The following INPP4A variants were observed in gnomAD, a reference collection of about 807,000 sequenced individuals.
The protein encoded by INPP4A is inositol polyphosphate-4-phosphatase type I A.
A neutral mutation model predicts 119.8 loss-of-function variants in INPP4A; 33 were observed. That is an observed-to-expected ratio of 0.28 (90% CI 0.21 to 0.37). The LOEUF (loss-of-function observed/expected upper bound fraction) is 0.37. INPP4A is among the 10% of genes least tolerant of loss of function. The pLI, the probability that INPP4A is intolerant of heterozygous loss-of-function variation, is 1.00. For missense variants in INPP4A, 956 were observed against 1,289.9 expected, an observed-to-expected ratio of 0.74 and a Z score of 3.97; for synonymous variants, 496 against 500.7, an observed-to-expected ratio of 0.99 and a Z score of 0.12.
Position 98,520,005 on chromosome 2 carries a change from TG to T in INPP4A, c.-42del. 1 of 1,489,882 alleles carries T rather than the reference TG, an allele frequency of 6.7e-7. No homozygotes were observed. The highest frequency in any genetic ancestry group is 9.2e-7 in the Non-Finnish European group (1 of 1,089,206). 92.3% of individuals were successfully genotyped at this position (1,489,882 alleles called of 1,614,324 possible). On this transcript the variant is annotated 5_prime_UTR_variant, in exon 3 of 25. The change creates a premature stop within an existing upstream ORF in the 5' untranslated region. Coordinates refer to ENST00000409851, the MANE Select transcript of INPP4A (RefSeq NM_001134225.2). ...CCAGCACTTCCCGGGTAATCAGGCG[TG>T]GTCTGACCGAGGATCAAGAAGCACA...
chr2:98,572,815 G>T lies in INPP4A; in HGVS notation c.2519G>T (p.Cys840Phe). 6.4e-7 allele frequency: 1 copy of T among 1,551,554 alleles called. No individual in the cohort carries two copies. The change falls in exon 23 of 25, where the codon TGC (cysteine) becomes TTC (phenylalanine). Residue 840 changes from cysteine (C) to phenylalanine (F), a missense_variant and splice_region_variant. Physicochemically the swap from Cys to Phe is radical, Grantham distance 205 (BLOSUM62 -2). Coordinates refer to ENST00000409851, the MANE Select transcript of INPP4A (RefSeq NM_001134225.2). The stretch of plus-strand genomic sequence containing the variant: ...CCCACGAACTCCTTTTCTCTTCCAG[G>T]CCTGCCTCGGTCTCGCAGTCAGACG... Reference protein sequence around the residue: ...EQFKEVLPEDCLPRSRSQTCL... With the variant: ...EQFKEVLPEDFLPRSRSQTCL...
rs572319452 is a variant in INPP4A, at chr2:98,475,188, A to G, written c.-166+30103A>G. Among the ~76,000 whole-genome samples, 6 of 152,192 alleles carry G rather than the reference A, an allele frequency of 3.9e-5. No homozygotes were observed. In the East Asian group the frequency reaches 1.2e-3, roughly 30 times the overall value. The stretch of plus-strand genomic sequence containing the variant: ...CGGACAGCTGAGCAAAGGCATAGAG[A>G]GGGCACTTGTGAGATGCTGTCGGGA... On this transcript the variant is annotated intron_variant, in intron 1 of 24. Transcript: ENST00000409851.
intron 1 of INPP4A, among the ~76,000 whole-genome samples, chr2:98,490,074 T>G (rs1214470507): frequency 6.6e-6 from 1 of 151,188 alleles, no homozygotes; most frequent in African/African-American, 2.4e-5. Context: ...TGGTGAGAGG[T>G]GCTCCGGGTC....
At chr2:98,563,091 G>T (rs1392050918) in intron 17 of INPP4A, among the ~76,000 whole-genome samples, 1 of 152,212 alleles carries the variant, frequency 6.6e-6, no homozygotes, top group African/African-American at 2.4e-5. Flanking sequence ...GTGCTACAGG[G>T]CTGTGGAAGG....
chr2:98,513,709 C>T (rs1288964014), intron 1 of INPP4A, among the ~76,000 whole-genome samples: 1 of 152,248 alleles, frequency 6.6e-6, no homozygotes, highest in Non-Finnish European at 1.5e-5. Context: ...GTTTGCTGGT[C>T]ACCTTGGGCT....
chr2:98,548,998 CTGTT>C (rs781493002), intron 13 of INPP4A: 2 of 1,608,682 alleles, frequency 1.2e-6, no homozygotes, highest in Non-Finnish European at 1.7e-6. Flanking sequence ...GAGAGAGTGT[CTGTT>C]TGGGTCTCGT....
chr2:98,561,969 A>G (rs1695554587), intron 17 of INPP4A, among the ~76,000 whole-genome samples: 1 of 152,226 alleles, frequency 6.6e-6, no homozygotes, highest in Non-Finnish European at 1.5e-5. Context: ...TAGTGGAGGA[A>G]AGAGACTCGG....
Position 98,555,727 on chromosome 2 carries a change from G to C in INPP4A, c.1741G>C (p.Glu581Gln). 1 of 1,608,946 alleles carries C rather than the reference G, an allele frequency of 6.2e-7. No individual in the cohort carries two copies. Among genetic ancestry groups the C allele is most frequent in the Non-Finnish European group, 8.5e-7 (1 of 1,177,434 alleles). ...PDSHAYWIRP[E>Q]DPFCDVPSSP... ...CAGCCACGCCTACTGGATCAGACCA[G>C]AAGACCCCTTCTGTGATGTCCCCTC... The change falls in exon 16 of 25, where the codon GAA (glutamate) becomes CAA (glutamine). Residue 581 changes from glutamate (E) to glutamine (Q), a missense_variant. By Grantham distance (29) the Glu-to-Gln change is conservative. This residue lies in a region of INPP4A where 652 missense variants were observed against 797.9 expected (regional missense o/e 0.82). Transcript: ENST00000409851.
At position 98,594,138 on chromosome 2, in the gene INPP4A, A is replaced by G. The variant is rs965493689; in HGVS notation, c.*6530A>G. 6.6e-6 allele frequency: 1 copy of G among 152,180 alleles called. No homozygotes were observed. The highest frequency in any genetic ancestry group is 2.1e-4 in the South Asian group (1 of 4,830). 9.4% of individuals were successfully genotyped at this position (152,180 alleles called of 1,614,324 possible). On this transcript the variant is annotated 3_prime_UTR_variant, in exon 25 of 25. Coordinates refer to ENST00000409851, the MANE Select transcript of INPP4A (RefSeq NM_001134225.2). Reference sequence around the variant, plus strand: ...GACCACGCTGTTTTTCTCACTACATAATCGGTTACGCTAAATGCATCACGA... The same window carrying G: ...GACCACGCTGTTTTTCTCACTACATGATCGGTTACGCTAAATGCATCACGA...
At chr2:98,581,114 C>CAGAT (rs1212003700) in intron 24 of INPP4A, among the ~76,000 whole-genome samples, 1 of 152,172 alleles carries the variant, frequency 6.6e-6, no homozygotes, top group Non-Finnish European at 1.5e-5. Context: ...CTTTGTACCA[C>CAGAT]CCCCTGCTCA....
Position 98,566,163 on chromosome 2 carries a change from C to T in INPP4A, c.2414C>T (p.Ala805Val). ...GGCATCAATGAGCAGCAGACACTGG[C>T]CGAGAGGTGCGTGCCGGCTCCTCGG... Reference protein sequence around the residue: ...NVGINEQQTLAERFGDTSLQE... With the variant: ...NVGINEQQTLVERFGDTSLQE... Residue 805 changes from alanine (A) to valine (V), a missense_variant, in exon 21 of 25, where the codon GCC (alanine) becomes GTC (valine). This residue lies in a region of INPP4A where 304 missense variants were observed against 492.1 expected (regional missense o/e 0.62). Transcript: ENST00000409851. This position sits in a 1 kb window ranked among gnomAD's most constrained non-coding sequence, Gnocchi z 4.2. 1 of 1,590,156 alleles carries T rather than the reference C, an allele frequency of 6.3e-7. No individual in the cohort carries two copies. The highest frequency in any genetic ancestry group is 8.6e-7 in the Non-Finnish European group (1 of 1,165,640).
At chr2:98,547,430 C>G (rs189283319) in intron 13 of INPP4A, among the ~76,000 whole-genome samples, 2 of 152,080 alleles carry the variant, frequency 1.3e-5, no homozygotes, top group African/African-American at 4.8e-5. Flanking sequence ...TCCACCCAGC[C>G]CCCAGGGGTG....
rs1479883055 is a variant in INPP4A, at chr2:98,590,640, C to G, written c.*3032C>G. ...TATGACTTGTCAAAATGCAGTTCCA[C>G]TTGTATTAATATTGACCCTGTTCAT... On this transcript the variant is annotated 3_prime_UTR_variant, in exon 25 of 25. Coordinates refer to ENST00000409851, the MANE Select transcript of INPP4A (RefSeq NM_001134225.2). 1 of 208,968 alleles carries G rather than the reference C, an allele frequency of 4.8e-6. No homozygotes were observed. The highest frequency in any genetic ancestry group is 7.3e-5 in the East Asian group (1 of 13,708). 12.9% of individuals were successfully genotyped at this position (208,968 alleles called of 1,614,324 possible).
rs1389220067 is a variant in INPP4A at position 98,568,687 on chromosome 2, A to G, written c.2518+19A>G. 1 of 1,372,184 alleles carries G rather than the reference A, an allele frequency of 7.3e-7. No individual in the cohort carries two copies. Among genetic ancestry groups the G allele is most frequent in the East Asian group, 2.3e-5 (1 of 42,670 alleles). The allele number at this position is 1,372,184 out of a possible 1,614,324, so 85.0% of individuals were successfully genotyped here. On this transcript the variant is annotated intron_variant, in intron 22 of 24. Coordinates refer to ENST00000409851, the MANE Select transcript of INPP4A (RefSeq NM_001134225.2). Reference sequence around the variant, plus strand: ...GAGGATTGTAAGTATTTCTTCAGTCATGGTAGGTTTCACTTACTCGTCTTT... The same window carrying G: ...GAGGATTGTAAGTATTTCTTCAGTCGTGGTAGGTTTCACTTACTCGTCTTT...
intron 4 of INPP4A, among the ~76,000 whole-genome samples, chr2:98,523,179 GA>G (rs1687540741): frequency 6.6e-6 from 1 of 152,174 alleles, no homozygotes; most frequent in South Asian, 2.1e-4. Flanking sequence ...GAGCTAAAAT[GA>G]TTGCATATGG....
intron 1 of INPP4A, among the ~76,000 whole-genome samples, chr2:98,514,725 G>T (rs536522435): frequency 2.0e-5 from 3 of 152,214 alleles, no homozygotes; most frequent in South Asian, 4.2e-4. Flanking sequence ...AGACCAGCCT[G>T]GGCAACATAG....
chr2:98,571,125 C>T (rs1372127633), intron 22 of INPP4A, among the ~76,000 whole-genome samples: 1 of 152,198 alleles, frequency 6.6e-6, no homozygotes, highest in Non-Finnish European at 1.5e-5. Context: ...TGCTCTTTAG[C>T]AGGGACCGGA....
At chr2:98,465,718 T>C (rs1674610411) in intron 1 of INPP4A, among the ~76,000 whole-genome samples, 1 of 152,140 alleles carries the variant, frequency 6.6e-6, no homozygotes, top group African/African-American at 2.4e-5. Context: ...GGGCACTCAC[T>C]TGGTGAACAG....
At position 98,458,358 on chromosome 2, in the gene INPP4A, C is replaced by G. The variant is rs562929333; in HGVS notation, c.-166+13273C>G. Among the ~76,000 whole-genome samples the G allele has an allele frequency of 6.4e-4, 98 of 152,006 alleles. 3 individuals are homozygous for G. The South Asian group carries it at 0.02, about 31-fold the overall frequency. On this transcript the variant is annotated intron_variant, in intron 1 of 24. Transcript: ENST00000409851. ...TGCCTCTGCCTCAGAAAAAAAAAAT[C>G]ATCAAATAGCCCTTTCTCACCTTCT...
Sources: allele counts gnomAD v4.1 joint callset (sites outside exome capture counted in the v4.1 genomes callset), GRCh38; gene constraint gnomAD v4.1.1; regional missense constraint gnomAD v4.1.1; non-coding constraint Gnocchi (gnomAD v3.1); transcripts MANE v1.5; gene names NCBI Gene and HGNC (gene_info 2026-07-23, HGNC 2026-07-21).